TSPAN9: variants seen among roughly 807,000 people sequenced by gnomAD.
TSPAN9 encodes the protein tetraspanin 9.
Under a neutral mutation model 31.0 loss-of-function variants are expected in TSPAN9, and 16 were observed. The ratio of observed to expected loss-of-function variants is 0.52; its 90% CI spans 0.35 to 0.78. The LOEUF is 0.78. Among genes scored for constraint, TSPAN9 ranks in the 30% least tolerant of loss-of-function variants. TSPAN9 has a pLI of 0.01. For missense variants in TSPAN9, 272 were observed against 312.5 expected (o/e 0.87, Z 0.98); for synonymous variants, 145 against 121.6 (o/e 1.19, Z -1.27).
chr12:3,193,683 G>A (rs2098365639), intron 2 of TSPAN9, among the ~76,000 whole-genome samples: 1 of 152,248 alleles, frequency 6.6e-6, no homozygotes, highest in South Asian at 2.1e-4. Context: ...TGGGGCAGCA[G>A]TGCTCCTGGC....
chr12:3,268,633 T>C (rs866479876), intron 3 of TSPAN9, among the ~76,000 whole-genome samples: 250 of 83,934 alleles, frequency 3.0e-3, no homozygotes, highest in African/African-American at 8.9e-3. Context: ...GCCTGCCCTC[T>C]GTGCGTTCCT....
intron 3 of TSPAN9, among the ~76,000 whole-genome samples, chr12:3,230,231 A>G (rs1271318809): frequency 1.3e-5 from 2 of 152,160 alleles, no homozygotes; most frequent in Non-Finnish European, 2.9e-5. Context: ...GGTGCCGGTT[A>G]TAGGCATCAC....
intron 3 of TSPAN9, among the ~76,000 whole-genome samples, chr12:3,215,869 T>G (rs1012046780): frequency 6.6e-6 from 1 of 152,028 alleles, no homozygotes; most frequent in African/African-American, 2.4e-5. Context: ...TGTATCAGAG[T>G]GGAGAACGTA....
chr12:3,097,284 G>T (rs2098309602), intron 2 of TSPAN9, among the ~76,000 whole-genome samples: 1 of 152,220 alleles, frequency 6.6e-6, no homozygotes, highest in South Asian at 2.1e-4. Context: ...TCTGTGGGCA[G>T]CTTTGGAGGA....
intron 2 of TSPAN9, among the ~76,000 whole-genome samples, chr12:3,108,224 G>A (rs1416017005): frequency 6.6e-6 from 1 of 152,186 alleles, no homozygotes; most frequent in East Asian, 1.9e-4. Context: ...CACAGGGACA[G>A]TGCAATGGAC....
At chr12:3,275,781 C>T (rs568819640) in intron 3 of TSPAN9, among the ~76,000 whole-genome samples, 1 of 152,342 alleles carries the variant, frequency 6.6e-6, no homozygotes, top group South Asian at 2.1e-4. Context: ...CAGGCCCACT[C>T]TCCACAGTGT....
chr12:3,266,904 T>TGG (rs1862548192), intron 3 of TSPAN9, among the ~76,000 whole-genome samples: 1 of 152,164 alleles, frequency 6.6e-6, no homozygotes, highest in Non-Finnish European at 1.5e-5. Flanking sequence ...GTGGCTGTGT[T>TGG]GGGGCCAGAG....
rs768379963 is a variant in TSPAN9 at position 3,283,143 on chromosome 12, G to C, written c.*27G>C. ...CGGGCTGGCCGGGAGTGCCCACCCC[G>C]CCCTGCTGCCCTGTGGAGGGAAGAG... On this transcript the variant is annotated 3_prime_UTR_variant, in exon 9 of 9. Coordinates refer to ENST00000011898, the MANE Select transcript of TSPAN9 (RefSeq NM_006675.5). 2.1e-5 allele frequency: 33 copies of C among 1,602,214 alleles called. No homozygotes were observed. Among genetic ancestry groups the C allele is most frequent in the Admixed American group, 3.3e-5 (2 of 59,944 alleles).
At chr12:3,221,766 C>T (rs2098384716) in intron 3 of TSPAN9, among the ~76,000 whole-genome samples, 1 of 152,226 alleles carries the variant, frequency 6.6e-6, no homozygotes, top group Admixed American at 6.5e-5. Flanking sequence ...AGTGATACTC[C>T]TGCCTCAGTC....
chr12:3,095,177 A>G lies in TSPAN9; in HGVS notation c.-18+11458A>G, dbSNP rs1196680186. Among the ~76,000 whole-genome samples the G allele has an allele frequency of 2.7e-5, 3 of 111,352 alleles. 1 individual carries two copies. The highest frequency in any genetic ancestry group is 5.8e-5 in the Non-Finnish European group (3 of 51,684). The allele number at this position is 111,352 out of a possible 152,430, so 73.1% of individuals were successfully genotyped here. ...ACACAGTACATGTTTCAGAGAGCAC[A>G]GGGTTGGGGGTAAGGTCACAGATCA... On this transcript the variant is annotated intron_variant, in intron 2 of 8. Coordinates refer to ENST00000011898, the MANE Select transcript of TSPAN9 (RefSeq NM_006675.5).
chr12:3,229,729 TGCAGCGGTTCATC>T (rs1341834818), intron 3 of TSPAN9, among the ~76,000 whole-genome samples: 4 of 152,182 alleles, frequency 2.6e-5, no homozygotes, highest in Non-Finnish European at 5.9e-5. Flanking sequence ...GAAGAAGGCC[TGCAGCGGTTCATC>T]GCACCTGCCA....
chr12:3,106,030 C>T (rs61249689), intron 2 of TSPAN9, among the ~76,000 whole-genome samples: 5,850 of 151,984 alleles, frequency 0.038, 388 homozygotes, highest in African/African-American at 0.13. Context: ...TTACCCCTCA[C>T]CCACTCCATC....
intron 3 of TSPAN9, among the ~76,000 whole-genome samples, chr12:3,266,944 G>C (rs1862548620): frequency 6.6e-6 from 1 of 152,160 alleles, no homozygotes; most frequent in Non-Finnish European, 1.5e-5. Flanking sequence ...AGTCTTTCCT[G>C]ATACCTATTT....
chr12:3,222,526 G>C (rs1379039615), intron 3 of TSPAN9, among the ~76,000 whole-genome samples: 2 of 152,182 alleles, frequency 1.3e-5, no homozygotes, highest in Admixed American at 1.3e-4. Flanking sequence ...ATTTACAGGG[G>C]TCTTGGCTCT....
intron 1 of TSPAN9, among the ~76,000 whole-genome samples, chr12:3,079,071 C>T (rs2098296527): frequency 6.6e-6 from 1 of 151,902 alleles, no homozygotes; most frequent in Non-Finnish European, 1.5e-5. Flanking sequence ...CCCCCGCGTC[C>T]CAGGTTCAAG....
At chr12:3,085,377 T>C (rs1263025241) in intron 2 of TSPAN9, among the ~76,000 whole-genome samples, 1 of 151,272 alleles carries the variant, frequency 6.6e-6, no homozygotes, top group Non-Finnish European at 1.5e-5. Flanking sequence ...GAGACACAGA[T>C]AGCCCCTGAC....
intron 1 of TSPAN9, among the ~76,000 whole-genome samples, chr12:3,080,946 C>T (rs956205022): frequency 6.6e-6 from 1 of 152,112 alleles, no homozygotes; most frequent in Admixed American, 6.6e-5. Context: ...GGAGGGAGTG[C>T]CCCCTTTTCG....
intron 1 of TSPAN9, among the ~76,000 whole-genome samples, chr12:3,079,554 T>C (rs989908373): frequency 1.1e-4 from 17 of 152,204 alleles, no homozygotes; most frequent in African/African-American, 4.1e-4. Context: ...CTCTGCCTAC[T>C]GGGTTCAAGT....
chr12:3,271,191 A>T (rs1862670613), intron 3 of TSPAN9, among the ~76,000 whole-genome samples: 1 of 152,216 alleles, frequency 6.6e-6, no homozygotes, highest in South Asian at 2.1e-4. Context: ...TGAAGGTATG[A>T]AGGTGAATTG....
Sources: allele counts gnomAD v4.1 joint callset (sites outside exome capture counted in the v4.1 genomes callset), GRCh38; gene constraint gnomAD v4.1.1; transcripts MANE v1.5; gene names NCBI Gene and HGNC (gene_info 2026-07-23, HGNC 2026-07-21).